Variants in BACH2 observed in about 807,000 individuals in gnomAD.
The protein encoded by BACH2 is BACH transcriptional regulator 2, also known as transcription regulator protein BACH2.
Under a neutral mutation model 61.8 loss-of-function variants are expected in BACH2, and 5 were observed. That is an observed-to-expected ratio of 0.08 (90% CI 0.04 to 0.17). The LOEUF is 0.17. Among genes scored for constraint, BACH2 ranks in the 10% least tolerant of loss-of-function variants. The pLI is 1.00. For missense variants in BACH2, 824 were observed against 1,091.1 expected (o/e 0.76, Z 3.45); for synonymous variants, 446 against 440.1 (o/e 1.01, Z -0.17).
chr6:89,941,420 A>C (rs192457977), intron 7 of BACH2, among the ~76,000 whole-genome samples: 83 of 152,272 alleles, frequency 5.5e-4, no homozygotes, highest in African/African-American at 2.0e-3. Context: ...GACACCTGTA[A>C]AATTTTGGTC....
chr6:90,170,236 A>T (rs1767766370), intron 4 of BACH2, among the ~76,000 whole-genome samples: 1 of 152,226 alleles, frequency 6.6e-6, no homozygotes, highest in Admixed American at 6.5e-5. Flanking sequence ...TTTAAAAAAT[A>T]AATAATATTG....
intron 5 of BACH2, among the ~76,000 whole-genome samples, chr6:90,013,404 T>C (rs937780707): frequency 1.3e-5 from 2 of 152,192 alleles, no homozygotes; most frequent in Non-Finnish European, 2.9e-5. Flanking sequence ...AGATGCTTCA[T>C]AGGTGCTCCT....
At chr6:90,187,939 A>G (rs1230114642) in intron 4 of BACH2, among the ~76,000 whole-genome samples, 1 of 152,154 alleles carries the variant, frequency 6.6e-6, no homozygotes. Context: ...CTCCCAGAAG[A>G]GCACAAGTGC....
chr6:90,165,639 A>G (rs1371555036), intron 4 of BACH2, among the ~76,000 whole-genome samples: 9 of 152,232 alleles, frequency 5.9e-5, no homozygotes, highest in Admixed American at 2.0e-4. Flanking sequence ...GAGGCATCAC[A>G]CTACCTGACT....
rs535452007 is a variant in BACH2, at chr6:90,269,494, T to C, written c.-353+2355A>G. ...TCCAAATCTGGCAGCTTAAATAAAA[T>C]CAACTGTAACTAGCATTGTGGTGAA... On this transcript the variant is annotated intron_variant, in intron 2 of 8. Coordinates refer to ENST00000257749, the MANE Select transcript of BACH2 (RefSeq NM_021813.4). Among the ~76,000 whole-genome samples, 3 of 152,310 alleles carry C rather than the reference T, an allele frequency of 2.0e-5. No individual in the cohort carries two copies. The East Asian group carries it at 5.8e-4, about 29-fold the overall frequency.
At chr6:90,147,640 C>T (rs1265226121) in intron 4 of BACH2, among the ~76,000 whole-genome samples, 1 of 152,144 alleles carries the variant, frequency 6.6e-6, no homozygotes. Context: ...GTTTAAGCAA[C>T]AACCCATGTG....
chr6:90,055,139 T>C (rs1215404870), intron 5 of BACH2, among the ~76,000 whole-genome samples: 3 of 152,014 alleles, frequency 2.0e-5, no homozygotes, highest in African/African-American at 4.8e-5. Flanking sequence ...CTTTGCTGAG[T>C]TGAGAGAAGA....
At chr6:89,988,584 T>C (rs947966785) in intron 6 of BACH2, among the ~76,000 whole-genome samples, 19 of 151,952 alleles carry the variant, frequency 1.3e-4, no homozygotes, top group Non-Finnish European at 5.9e-5. Flanking sequence ...TGCTAACAAA[T>C]GGAAAAGAAA....
intron 4 of BACH2, among the ~76,000 whole-genome samples, chr6:90,132,889 T>C (rs1253318489): frequency 6.6e-6 from 1 of 152,168 alleles, no homozygotes; most frequent in East Asian, 1.9e-4. Flanking sequence ...TATCATCTTT[T>C]CCCACCCAAA....
intron 3 of BACH2, among the ~76,000 whole-genome samples, chr6:90,222,403 T>C (rs1769764015): frequency 6.6e-6 from 1 of 152,086 alleles, no homozygotes; most frequent in African/African-American, 2.4e-5. Context: ...TCAGAGCAAG[T>C]AGGATGGCAT....
At chr6:90,039,845 G>A (rs1481404963) in intron 5 of BACH2, among the ~76,000 whole-genome samples, 1 of 152,152 alleles carries the variant, frequency 6.6e-6, no homozygotes, top group African/African-American at 2.4e-5. Flanking sequence ...TATATTTCAT[G>A]TTTATGAACA....
intron 5 of BACH2, chr6:90,062,805 T>C: frequency 4.2e-6 from 2 of 478,994 alleles, no homozygotes; most frequent in Non-Finnish European, 5.4e-6. Context: ...ATTGACAAAC[T>C]ACTCAAACAA....
chr6:90,241,648 G>A (rs1203268693), intron 3 of BACH2, among the ~76,000 whole-genome samples: 4 of 152,228 alleles, frequency 2.6e-5, no homozygotes, highest in African/African-American at 7.2e-5. Context: ...GTGGAAAAGA[G>A]GGACAGGGTG....
rs558890370 is a variant in BACH2 at position 90,146,995 on chromosome 6, T to C, written c.-161-57886A>G. Among the ~76,000 whole-genome samples the C allele has an allele frequency of 1.5e-4, 23 of 152,286 alleles. 1 individual carries two copies. In the East Asian group the frequency reaches 3.1e-3, roughly 20 times the overall value. ...ATCATAGCTCGATCCTACTCTTTCA[T>C]TTCTACTGCTACTTAAATAAAAAAG... On this transcript the variant is annotated intron_variant, in intron 4 of 8. Transcript: ENST00000257749.
chr6:89,969,050 C>CTTTTT (rs76254643), intron 6 of BACH2, among the ~76,000 whole-genome samples: 1 of 113,964 alleles, frequency 8.8e-6, no homozygotes, highest in Non-Finnish European at 1.8e-5. Context: ...AAAATGTAGT[C>CTTTTT]TTTTTTTTTT....
chr6:90,217,108 G>C (rs540985520), intron 3 of BACH2, among the ~76,000 whole-genome samples: 1 of 152,144 alleles, frequency 6.6e-6, no homozygotes, highest in African/African-American at 2.4e-5. Flanking sequence ...CGAAGTAAAA[G>C]CTGTAACTTA....
chr6:90,262,007 G>C (rs1771175092), intron 2 of BACH2, among the ~76,000 whole-genome samples: 1 of 152,124 alleles, frequency 6.6e-6, no homozygotes, highest in South Asian at 2.1e-4. Context: ...CCACAGTGCT[G>C]CAAGAGAATA....
intron 6 of BACH2, among the ~76,000 whole-genome samples, chr6:89,980,542 C>A (rs1056501732): frequency 1.3e-5 from 2 of 152,174 alleles, no homozygotes; most frequent in African/African-American, 4.8e-5. Flanking sequence ...CATAGCTAGA[C>A]CACAAGGGCT....
chr6:90,006,522 T>C (rs1235126299), intron 6 of BACH2, among the ~76,000 whole-genome samples: 2 of 152,214 alleles, frequency 1.3e-5, no homozygotes, highest in African/African-American at 2.4e-5. Context: ...GCTACCTACT[T>C]GCTAGTGGTA....
Sources: gnomAD v4.1 joint callset for allele counts (sites outside exome capture counted in the v4.1 genomes callset) on GRCh38, gnomAD v4.1.1 for gene constraint, MANE v1.5 for transcripts, NCBI Gene and HGNC (gene_info 2026-07-23, HGNC 2026-07-21) for gene names.